The following INSR variants were observed in gnomAD, a reference collection of about 807,000 sequenced individuals.
INSR encodes the protein insulin receptor, also known as IR.
INSR carries 67 observed loss-of-function variants against 142.6 expected under a neutral mutation model. The observed-to-expected ratio is 0.47, with a 90% CI of 0.39 to 0.58. The LOEUF is 0.58. INSR is among the 20% of genes least tolerant of loss of function. The pLI is 0.00. For synonymous variants in INSR, 756 were observed against 743.1 expected, an observed-to-expected ratio of 1.02 and a Z score of -0.28; for missense variants, 1,248 against 1,833.2, an observed-to-expected ratio of 0.68 and a Z score of 5.83.
chr19:7,197,116 G>GCGA (rs1279924661), intron 2 of INSR, among the ~76,000 whole-genome samples: 6 of 152,366 alleles, frequency 3.9e-5, no homozygotes, highest in African/African-American at 1.4e-4. Context: ...GTGGTCAGCA[G>GCGA]CGACGACCGC....
chr19:7,270,015 T>A (rs763440461), intron 1 of INSR, among the ~76,000 whole-genome samples: 5 of 152,236 alleles, frequency 3.3e-5, no homozygotes, highest in Non-Finnish European at 7.4e-5. Context: ...CAGGCTGAAG[T>A]GCAGTGCCGT....
intron 2 of INSR, among the ~76,000 whole-genome samples, chr19:7,207,589 A>AC (rs1194010339): frequency 6.6e-6 from 1 of 151,596 alleles, no homozygotes; most frequent in Admixed American, 6.6e-5. Context: ...CTCAAAAAAC[A>AC]ACATGAGTTT....
At chr19:7,283,685 C>G (rs776170829) in intron 1 of INSR, among the ~76,000 whole-genome samples, 4 of 152,166 alleles carry the variant, frequency 2.6e-5, no homozygotes, top group Non-Finnish European at 5.9e-5. Flanking sequence ...GGTGATCCAC[C>G]TGCCTCGGCC....
chr19:7,229,324 G>A (rs59539202), intron 2 of INSR, among the ~76,000 whole-genome samples: 1,772 of 60,206 alleles, frequency 0.029, 28 homozygotes, highest in African/African-American at 0.13. Flanking sequence ...ATGGATGGAT[G>A]GATGGATAGA....
At chr19:7,229,777 T>C (rs1228718897) in intron 2 of INSR, among the ~76,000 whole-genome samples, 12 of 148,936 alleles carry the variant, frequency 8.1e-5, no homozygotes, top group Admixed American at 5.3e-4. Context: ...TTTTTTTTTT[T>C]TTTTTTGAGA....
rs771496946 is a variant in INSR at position 7,166,126 on chromosome 19, C to G, written c.1861+28G>C. ...AAAAGCAAGAGGTCTGATTCACATA[C>G]GAATTCACATTCCCAAGACACACTC... On this transcript the variant is annotated intron_variant, in intron 8 of 21. Transcript: ENST00000302850. This position sits in a 1 kb window ranked among gnomAD's most constrained non-coding sequence, Gnocchi z 4.1. 6.2e-7 allele frequency: 1 copy of G among 1,613,306 alleles called. No individual in the cohort carries two copies. The highest frequency in any genetic ancestry group is 1.1e-5 in the South Asian group (1 of 90,990).
At position 7,119,819 on chromosome 19, in the gene INSR, TAC is replaced by T. The variant is rs1217914331; in HGVS notation, c.3660-238_3660-237del. On this transcript the variant is annotated intron_variant, in intron 20 of 21. Coordinates refer to ENST00000302850, the MANE Select transcript of INSR (RefSeq NM_000208.4). This position sits in a 1 kb window ranked among gnomAD's most constrained non-coding sequence, Gnocchi z 5.2. ...AAATATGCAAACACACAAACACATA[TAC>T]ACACACAAACACACACACCCAAACA... Among the ~76,000 whole-genome samples the T allele has an allele frequency of 3.4e-4, 30 of 87,210 alleles. No homozygotes were observed. The highest frequency in any genetic ancestry group is 1.1e-3 in the African/African-American group (28 of 25,468). 57.2% of individuals were successfully genotyped at this position (87,210 alleles called of 152,430 possible). A position where few individuals can be genotyped will look rare whatever the true frequency, so the allele number is the denominator to read the frequency against.
chr19:7,185,790 C>T (rs11671045), intron 2 of INSR, among the ~76,000 whole-genome samples: 19,972 of 134,780 alleles, frequency 0.15, 1,702 homozygotes, highest in South Asian at 0.23. Flanking sequence ...CTGCAGTGAG[C>T]CATGATCGTG....
rs1031052332 is a variant in INSR at position 7,125,833 on chromosome 19, C to A, written c.3014-306G>T. ...TTCAGACCCTTGCTATGGAATGATG[C>A]TACTTCCCACCTGAGACTACTGTTT... is the stretch of plus-strand genomic sequence containing the variant. On this transcript the variant is annotated intron_variant, in intron 16 of 21. Coordinates refer to ENST00000302850, the MANE Select transcript of INSR (RefSeq NM_000208.4). The surrounding 1 kb of genome is among the most constrained non-coding windows in gnomAD (Gnocchi z 4.9). Among the ~76,000 whole-genome samples, 1 of 152,116 alleles carries A rather than the reference C, an allele frequency of 6.6e-6. No individual in the cohort carries two copies. Among genetic ancestry groups the A allele is most frequent in the Non-Finnish European group, 1.5e-5 (1 of 68,006 alleles).
At chr19:7,270,339 T>TCACACACACACACACACACA (rs1178953100) in intron 1 of INSR, among the ~76,000 whole-genome samples, 1 of 120,248 alleles carries the variant, frequency 8.3e-6, no homozygotes, top group African/African-American at 3.4e-5. Context: ...TCTCTCTCTC[T>TCACACACACACACACACACA]CACACACACA....
At chr19:7,268,524 C>G in intron 1 of INSR, 2 of 985,314 alleles carry the variant, frequency 2.0e-6, no homozygotes, top group Non-Finnish European at 2.4e-6. Context: ...CCATGGCTCC[C>G]CATCATCCTG....
chr19:7,226,239 C>G (rs1275983016), intron 2 of INSR, among the ~76,000 whole-genome samples: 1 of 151,746 alleles, frequency 6.6e-6, no homozygotes, highest in African/African-American at 2.4e-5. Flanking sequence ...AACCACATCT[C>G]TACTAAAAAT....
chr19:7,177,934 C>T (rs1019208191), intron 3 of INSR, among the ~76,000 whole-genome samples: 2 of 151,940 alleles, frequency 1.3e-5, no homozygotes, highest in African/African-American at 4.8e-5. Context: ...CTGAAAATAA[C>T]ACCACCAACG....
At chr19:7,239,930 T>C (rs1306170159) in intron 2 of INSR, among the ~76,000 whole-genome samples, 1 of 151,514 alleles carries the variant, frequency 6.6e-6, no homozygotes, top group African/African-American at 2.4e-5. Flanking sequence ...GATCGCAGAG[T>C]TTTTTGTTTT....
intron 2 of INSR, among the ~76,000 whole-genome samples, chr19:7,240,317 T>C (rs1250499945): frequency 1.3e-5 from 2 of 151,970 alleles, no homozygotes; most frequent in Non-Finnish European, 2.9e-5. Context: ...GCGTGGTGGC[T>C]CATGCCTGTA....
Position 7,122,458 on chromosome 19 carries a change from GACAAA to G in INSR, c.3529+151_3529+155del, listed in dbSNP as rs1464506386. 3.7e-6 allele frequency: 3 copies of G among 821,850 alleles called. No individual in the cohort carries two copies. The African/African-American group carries it at 5.4e-5, about 15-fold the overall frequency. The allele number at this position is 821,850 out of a possible 1,614,324, so 50.9% of individuals were successfully genotyped here. On this transcript the variant is annotated intron_variant, in intron 19 of 21. Coordinates refer to ENST00000302850, the MANE Select transcript of INSR (RefSeq NM_000208.4). ...TAAGACTCCGTCTCAAAAACAAAAA[GACAAA>G]ACAAAACAAAAAAAACCCCACAAAA...
intron 2 of INSR, among the ~76,000 whole-genome samples, chr19:7,219,479 GGGAGGGAAGGAAGGAA>G (rs1019015570): frequency 7.0e-5 from 10 of 143,102 alleles, no homozygotes; most frequent in African/African-American, 2.3e-4. Flanking sequence ...AGAAAAGGGA[GGGAGGGAAGGAAGGAA>G]GGAGGGAGGG....
At chr19:7,260,849 G>A (rs1436135780) in intron 2 of INSR, among the ~76,000 whole-genome samples, 2 of 151,296 alleles carry the variant, frequency 1.3e-5, no homozygotes, top group Non-Finnish European at 2.9e-5. Flanking sequence ...AAACGAGACT[G>A]GAAGCCGGTG....
intron 1 of INSR, among the ~76,000 whole-genome samples, chr19:7,268,103 GA>G (rs1967796638): frequency 6.6e-6 from 1 of 152,176 alleles, no homozygotes; most frequent in East Asian, 1.9e-4. Context: ...AAAACGCCAA[GA>G]AAATAATTCT....
Sources: gnomAD v4.1 joint callset for allele counts (sites outside exome capture counted in the v4.1 genomes callset) on GRCh38, gnomAD v4.1.1 for gene constraint, Gnocchi (gnomAD v3.1) non-coding constraint, MANE v1.5 for transcripts, NCBI Gene and HGNC (gene_info 2026-07-23, HGNC 2026-07-21) for gene names.